Variants in GSE1 observed in about 807,000 individuals in gnomAD.
GSE1 encodes genetic suppressor element 1.
In GSE1, 32 loss-of-function variants were observed where a neutral mutation model predicts 112.6. The observed-to-expected ratio is 0.28, with a 90% CI of 0.21 to 0.38. The LOEUF is 0.38. Ranked by LOEUF, GSE1 falls within the 10% of genes least tolerant of loss-of-function variation. The pLI, the probability that GSE1 is intolerant of heterozygous loss-of-function variation, is 1.00. For missense variants in GSE1, 2,348 were observed against 1,699.2 expected (o/e 1.38, Z -6.71); for synonymous variants, 1,115 against 735.6 (o/e 1.52, Z -8.35).
chr16:85,547,040 G>A (rs1260859741), intron 2 of GSE1, among the ~76,000 whole-genome samples: 1 of 152,184 alleles, frequency 6.6e-6, no homozygotes, highest in Non-Finnish European at 1.5e-5. Context: ...TGAGTTTTGT[G>A]GAGGGCGGGC....
intron 13 of GSE1, among the ~76,000 whole-genome samples, chr16:85,667,906 C>T (rs984509501): frequency 7.7e-6 from 1 of 130,498 alleles, no homozygotes; most frequent in Non-Finnish European, 1.7e-5. Flanking sequence ...AAATGGTCCA[C>T]GTACCAGAAT....
intron 1 of GSE1, chr16:85,556,426 A>T (rs988903815): frequency 1.5e-5 from 11 of 739,946 alleles, no homozygotes; most frequent in Non-Finnish European, 1.6e-5. Context: ...ACCCTCCCTC[A>T]CCCGACCCCC....
intron 1 of GSE1, among the ~76,000 whole-genome samples, chr16:85,294,065 T>G (rs1317257305): frequency 1.3e-5 from 2 of 152,074 alleles, no homozygotes; most frequent in Non-Finnish European, 2.9e-5. Flanking sequence ...GCTGGTGAAA[T>G]GAGAAAACAC....
At chr16:85,661,913 C>T in intron 9 of GSE1, 148 bp downstream of exon 9, 1 of 734,844 alleles carries the variant, frequency 1.4e-6, no homozygotes, top group Non-Finnish European at 2.1e-6. Flanking sequence ...GCACTGGCTT[C>T]TTTGTAGCAG....
At chr16:85,477,853 C>T (rs2151860871) in intron 2 of GSE1, among the ~76,000 whole-genome samples, 1 of 152,224 alleles carries the variant, frequency 6.6e-6, no homozygotes, top group Non-Finnish European at 1.5e-5. Flanking sequence ...AACCACCGCG[C>T]CCGGCCTAGG....
At chr16:85,640,675 C>T (rs1446829702) in intron 2 of GSE1, among the ~76,000 whole-genome samples, 3 of 152,250 alleles carry the variant, frequency 2.0e-5, no homozygotes, top group Non-Finnish European at 4.4e-5. Flanking sequence ...GTGGAGCCGG[C>T]CTGGGCGGGG....
At chr16:85,622,968 C>G (rs75259132) in intron 1 of GSE1, among the ~76,000 whole-genome samples, 4 of 152,020 alleles carry the variant, frequency 2.6e-5, no homozygotes, top group African/African-American at 9.7e-5. Flanking sequence ...GGCCTGAGAC[C>G]ATAGGGAGGG....
intron 1 of GSE1, among the ~76,000 whole-genome samples, chr16:85,322,182 G>A (rs2046122111): frequency 6.6e-6 from 1 of 152,194 alleles, no homozygotes; most frequent in Non-Finnish European, 1.5e-5. Flanking sequence ...CCTTGCCAGC[G>A]GCTAGCTCAG....
intron 2 of GSE1, among the ~76,000 whole-genome samples, chr16:85,646,685 C>G (rs1031386227): frequency 3.3e-5 from 5 of 152,132 alleles, no homozygotes; most frequent in African/African-American, 1.2e-4. Context: ...GTGAGCGGCA[C>G]GAGGTCTCCC....
At chr16:85,244,556 C>T (rs1390198795) in intron 1 of GSE1, among the ~76,000 whole-genome samples, 2 of 152,088 alleles carry the variant, frequency 1.3e-5, no homozygotes, top group African/African-American at 4.8e-5. Context: ...TGCAACTATA[C>T]GTGAAAAACC....
intron 2 of GSE1, among the ~76,000 whole-genome samples, chr16:85,396,193 G>A (rs1280677515): frequency 1.3e-5 from 2 of 152,120 alleles, no homozygotes; most frequent in Admixed American, 6.5e-5. Flanking sequence ...GCCCCTGCCC[G>A]TCTCCTCCCC....
At chr16:85,302,774 A>C (rs1316385910) in intron 1 of GSE1, among the ~76,000 whole-genome samples, 1 of 152,206 alleles carries the variant, frequency 6.6e-6, no homozygotes, top group African/African-American at 2.4e-5. Context: ...CAGGAGGTCA[A>C]TTCTTGGCCT....
intron 1 of GSE1, among the ~76,000 whole-genome samples, chr16:85,626,590 ACGGGGTGTAATTACCCCACGGGGGG>A (rs1207309811): frequency 6.6e-6 from 1 of 152,154 alleles, no homozygotes; most frequent in Non-Finnish European, 1.5e-5. Flanking sequence ...GCCCAGCCTC[ACGGGGTGTAATTACCCCACGGGGGG>A]CTGTCAGGGG....
At chr16:85,221,430 C>G (rs1229685123) in intron 1 of GSE1, among the ~76,000 whole-genome samples, 1 of 152,024 alleles carries the variant, frequency 6.6e-6, no homozygotes, top group African/African-American at 2.4e-5. Flanking sequence ...TGCATGCATC[C>G]ACGTGTGTGC....
chr16:85,388,430 G>A (rs2047754427), intron 2 of GSE1, among the ~76,000 whole-genome samples: 1 of 138,296 alleles, frequency 7.2e-6, no homozygotes, highest in African/African-American at 2.7e-5. Flanking sequence ...GTGGGTGGAT[G>A]GATGGATGAA....
At chr16:85,537,057 G>A (rs924568167) in intron 2 of GSE1, among the ~76,000 whole-genome samples, 26 of 152,178 alleles carry the variant, frequency 1.7e-4, no homozygotes, top group African/African-American at 6.3e-4. Context: ...CCAGCACCTC[G>A]CCCAGGAAGG....
chr16:85,185,556 C>T (rs1166947044), intron 1 of GSE1, among the ~76,000 whole-genome samples: 1 of 152,262 alleles, frequency 6.6e-6, no homozygotes, highest in Non-Finnish European at 1.5e-5. Context: ...TCACTAAGCT[C>T]TAGCTCTGGA....
chr16:85,179,997 C>A (rs140992071), intron 1 of GSE1, among the ~76,000 whole-genome samples: 2 of 152,188 alleles, frequency 1.3e-5, no homozygotes, highest in African/African-American at 4.8e-5. Context: ...CTAACCATCT[C>A]GTCTTTCTAC....
rs1252232153 is a variant in GSE1, at chr16:85,200,468, A to G, written c.2283+28661A>G. Among the ~76,000 whole-genome samples the G allele has an allele frequency of 2.0e-5, 3 of 151,946 alleles. No individual in the cohort carries two copies. The East Asian group carries it at 5.8e-4, about 29-fold the overall frequency. On this transcript the variant is annotated intron_variant, in intron 1 of 2. Coordinates refer to the GSE1 transcript ENST00000637419. Reference sequence around the variant, plus strand: ...GAGGTCATGTGGTTTCCCCCACGTCACACAGCTCTTATGCAGTGGAGGCAG... The same window carrying G: ...GAGGTCATGTGGTTTCCCCCACGTCGCACAGCTCTTATGCAGTGGAGGCAG...
Sources: gnomAD v4.1 joint callset for allele counts (sites outside exome capture counted in the v4.1 genomes callset) on GRCh38, gnomAD v4.1.1 for gene constraint, MANE v1.5 for transcripts, NCBI Gene and HGNC (gene_info 2026-07-23, HGNC 2026-07-21) for gene names.